The following MBTPS1 variants were observed in gnomAD, a reference collection of about 807,000 sequenced individuals.
MBTPS1 encodes membrane-bound transcription factor site-1 protease.
A neutral mutation model predicts 127.8 loss-of-function variants in MBTPS1; 94 were observed. That is an observed-to-expected ratio of 0.74 (90% CI 0.62 to 0.87). The LOEUF is 0.87. MBTPS1 is among the 40% of genes least tolerant of loss of function. The pLI is 0.00. For synonymous variants in MBTPS1, 632 were observed against 509.4 expected (o/e 1.24, Z -3.24); for missense variants, 1,636 against 1,353.2 (o/e 1.21, Z -3.28).
intron 1 of MBTPS1, among the ~76,000 whole-genome samples, chr16:84,114,510 C>A (rs1445637282): frequency 6.6e-6 from 1 of 152,022 alleles, no homozygotes; most frequent in Non-Finnish European, 1.5e-5. Context: ...CACCTCCAAA[C>A]TTCTAACTTC....
chr16:84,064,527 C>T (rs2085654378), intron 18 of MBTPS1, among the ~76,000 whole-genome samples: 1 of 152,176 alleles, frequency 6.6e-6, no homozygotes, highest in South Asian at 2.1e-4. Context: ...CGTTTTCACA[C>T]TGTAGTAGAA....
Position 84,066,608 on chromosome 16 carries a change from CACT to C in MBTPS1, c.2231_2233del (p.Gln744_Trp745delinsArg). The stretch of plus-strand genomic sequence containing the variant: ...AGCTCCTCCGGTATCCGGCATCCAC[CACT>C]GCCTGGGAAAGTGGTAACAGACACA... On this transcript the variant is annotated inframe_deletion and splice_region_variant, in exon 17 of 23. Coordinates refer to ENST00000343411, the MANE Select transcript of MBTPS1 (RefSeq NM_003791.4). 6.2e-7 allele frequency: 1 copy of C among 1,614,046 alleles called. No homozygotes were observed. The highest frequency in any genetic ancestry group is 8.5e-7 in the Non-Finnish European group (1 of 1,179,970).
At chr16:84,100,349 A>T (rs781685701) in intron 2 of MBTPS1, among the ~76,000 whole-genome samples, 1 of 152,348 alleles carries the variant, frequency 6.6e-6, no homozygotes, top group Non-Finnish European at 1.5e-5. Context: ...GTGCAAGACC[A>T]GCCTGACCAA....
chr16:84,070,728 C>G lies in MBTPS1; in HGVS notation c.1642G>C (p.Ala548Pro), dbSNP rs768765411. ...LPQNGDNIEV[A>P]FSYSSVLWPW... ...CATAAGACCGAGGAGTAGGAGAAGG[C>G]AACTTCAATGTTGTCTCCGTTCTGT... The change falls in exon 13 of 23, where the codon GCC becomes CCC. Residue 548 changes from alanine (A) to proline (P), a missense_variant. Coordinates refer to ENST00000343411, the MANE Select transcript of MBTPS1 (RefSeq NM_003791.4). 1 of 1,613,966 alleles carries G rather than the reference C, an allele frequency of 6.2e-7. No individual in the cohort carries two copies. Among genetic ancestry groups the G allele is most frequent in the African/African-American group, 1.3e-5 (1 of 74,906 alleles).
chr16:84,089,942 G>A (rs1461993768), intron 8 of MBTPS1, among the ~76,000 whole-genome samples: 1 of 152,202 alleles, frequency 6.6e-6, no homozygotes, highest in Non-Finnish European at 1.5e-5. Flanking sequence ...GAGCTATAGC[G>A]AGGGTATGTT....
intron 1 of MBTPS1, among the ~76,000 whole-genome samples, chr16:84,112,253 A>ACAG (rs1207126912): frequency 6.6e-6 from 1 of 152,198 alleles, no homozygotes; most frequent in Non-Finnish European, 1.5e-5. Context: ...CAAAATGGTT[A>ACAG]CAGTGGTTCT....
chr16:84,083,141 T>G (rs866549436), intron 10 of MBTPS1, among the ~76,000 whole-genome samples: 1 of 152,182 alleles, frequency 6.6e-6, no homozygotes, highest in Admixed American at 6.5e-5. Flanking sequence ...ATCATGGCGT[T>G]TAGGAGAAAT....
At chr16:84,078,680 A>G (rs1192252617) in intron 11 of MBTPS1, among the ~76,000 whole-genome samples, 1 of 152,262 alleles carries the variant, frequency 6.6e-6, no homozygotes, top group Admixed American at 6.5e-5. Context: ...GTAGTGGCTT[A>G]AACGATTGTA....
chr16:84,088,757 T>C (rs1365878704), intron 8 of MBTPS1, among the ~76,000 whole-genome samples: 1 of 152,002 alleles, frequency 6.6e-6, no homozygotes, highest in Non-Finnish European at 1.5e-5. Flanking sequence ...GGGGCTGACG[T>C]ATGCATGTTA....
intron 1 of MBTPS1, among the ~76,000 whole-genome samples, chr16:84,106,698 T>C (rs1170213231): frequency 6.6e-6 from 1 of 152,172 alleles, no homozygotes; most frequent in Non-Finnish European, 1.5e-5. Context: ...GTGTGGCTTG[T>C]GTTTTAGCCA....
At chr16:84,101,582 T>C in intron 2 of MBTPS1, 39 bp downstream of exon 2, 3 of 1,523,358 alleles carry the variant, frequency 2.0e-6, no homozygotes, top group East Asian at 2.3e-5. Context: ...TTTAAAAAAA[T>C]AGGATGGGAG....
intron 1 of MBTPS1, among the ~76,000 whole-genome samples, chr16:84,116,465 G>A (rs2151178503): frequency 6.6e-6 from 1 of 152,336 alleles, no homozygotes; most frequent in Admixed American, 6.5e-5. Context: ...AGAGCAGGGC[G>A]TATTGTTTCA....
chr16:84,059,592 G>C (rs1322766981), intron 20 of MBTPS1, 164 bp from the exon 21 acceptor site: 4 of 574,712 alleles, frequency 7.0e-6, no homozygotes, highest in Non-Finnish European at 1.2e-5. Flanking sequence ...AGCCACGCCT[G>C]ATTGGTTCCT....
chr16:84,106,066 G>A (rs1296974786), intron 1 of MBTPS1, among the ~76,000 whole-genome samples: 4 of 152,110 alleles, frequency 2.6e-5, no homozygotes, highest in East Asian at 3.9e-4. Context: ...AGGCCAAGGC[G>A]GGTGGATCAC....
intron 4 of MBTPS1, among the ~76,000 whole-genome samples, chr16:84,094,341 A>G (rs2086150763): frequency 6.6e-6 from 1 of 152,226 alleles, no homozygotes; most frequent in Admixed American, 6.5e-5. Flanking sequence ...TTTATAATAC[A>G]GCAAACTCTG....
chr16:84,111,925 G>C (rs910640595), intron 1 of MBTPS1, among the ~76,000 whole-genome samples: 2 of 151,426 alleles, frequency 1.3e-5, no homozygotes, highest in Admixed American at 1.3e-4. Context: ...ATGCAGCTGG[G>C]TGCGGTGGCT....
chr16:84,073,206 C>T (rs1379648007), intron 12 of MBTPS1, among the ~76,000 whole-genome samples: 4 of 151,902 alleles, frequency 2.6e-5, no homozygotes, highest in East Asian at 1.9e-4. Flanking sequence ...TGATCTCGGC[C>T]CACTGCAACC....
intron 1 of MBTPS1, chr16:84,109,311 A>G (rs1456073962): frequency 6.6e-6 from 1 of 152,246 alleles, no homozygotes; most frequent in Non-Finnish European, 1.5e-5. Flanking sequence ...ACGATAAATA[A>G]TAACAGATCC....
rs758001912 is a variant in MBTPS1 at position 84,060,760 on chromosome 16, G to T, written c.2626C>A (p.Pro876Thr). The part of the protein sequence containing the change: ...LLQYTSYGVT[P>T]PSLSHSGNRQ... Reference sequence around the variant, plus strand: ...TTCCCAGAGTGACTGAGGCTAGGCGGTGTCACCCCATACGATGTGTACTGG... The same window carrying T: ...TTCCCAGAGTGACTGAGGCTAGGCGTTGTCACCCCATACGATGTGTACTGG... Residue 876 changes from proline (P) to threonine (T), a missense_variant, in exon 20 of 23, where the codon CCG becomes ACG. Pro to Thr is a conservative substitution (Grantham distance 38, BLOSUM62 -1). Transcript: ENST00000343411. 1.9e-6 allele frequency: 3 copies of T among 1,609,490 alleles called. No homozygotes were observed. The highest frequency in any genetic ancestry group is 2.5e-6 in the Non-Finnish European group (3 of 1,178,002).
Sources: allele counts gnomAD v4.1 joint callset (sites outside exome capture counted in the v4.1 genomes callset), GRCh38; gene constraint gnomAD v4.1.1; transcripts MANE v1.5; gene names NCBI Gene and HGNC (gene_info 2026-07-23, HGNC 2026-07-21).